DST: variants seen among roughly 807,000 people sequenced by gnomAD.
The protein encoded by DST is dystonin.
Under a neutral mutation model 875.2 loss-of-function variants are expected in DST, and 253 were observed. The observed-to-expected ratio is 0.29, with a 90% CI of 0.26 to 0.32. The LOEUF (loss-of-function observed/expected upper bound fraction) is 0.32. Among genes scored for constraint, DST ranks in the 10% least tolerant of loss-of-function variants. The pLI is 1.00. For synonymous variants in DST, 3,124 were observed against 3,197.1 expected, an observed-to-expected ratio of 0.98 and a Z score of 0.77; for missense variants, 8,287 against 9,111.6, an observed-to-expected ratio of 0.91 and a Z score of 3.68.
intron 79 of DST, 103 bp from the exon 80 acceptor site, chr6:56,501,338 A>T: frequency 7.6e-7 from 1 of 1,308,446 alleles, no homozygotes; most frequent in South Asian, 1.6e-5. Context: ...GTATAAGTCC[A>T]TAAACGTATC....
intron 36 of DST, 32 bp from the exon 37 acceptor site, chr6:56,614,516 A>G (rs2098593461): frequency 6.4e-7 from 1 of 1,554,960 alleles, no homozygotes; most frequent in African/African-American, 1.4e-5. Flanking sequence ...AAAAATATAC[A>G]CTGCATTAAA....
At chr6:56,536,999 T>TA in intron 61 of DST, 59 bp from the exon 62 acceptor site, 1 of 1,468,870 alleles carries the variant, frequency 6.8e-7, no homozygotes. Flanking sequence ...GCCAAATATA[T>TA]AATAAGCATT....
At chr6:56,594,237 G>T (rs1289746256) in intron 47 of DST, 44 bp from the exon 48 acceptor site, 3 of 1,473,884 alleles carry the variant, frequency 2.0e-6, no homozygotes, top group Non-Finnish European at 9.0e-7. Context: ...CAGTAACGGG[G>T]TAACACCTGC....
At chr6:56,762,366 T>C (rs745820819) in intron 4 of DST, among the ~76,000 whole-genome samples, 10 of 152,284 alleles carry the variant, frequency 6.6e-5, no homozygotes, top group South Asian at 2.1e-4. Context: ...TTAGAAATCA[T>C]CTCAGAATGG....
At position 56,605,960 on chromosome 6, in the gene DST, T is replaced by A; in HGVS notation, c.8668A>T (p.Thr2890Ser). 1 of 1,612,848 alleles carries A rather than the reference T, an allele frequency of 6.2e-7. No individual in the cohort carries two copies. Among genetic ancestry groups the A allele is most frequent in the Non-Finnish European group, 8.5e-7 (1 of 1,179,442 alleles). ...LASPSENNLV[T>S]EKSNLPEYTT... ...TATTCTGGAAGGTTGCTTTTTTCAG[T>A]AACTAAGTTATTTTCACTAGGTGAT... is the stretch of plus-strand genomic sequence containing the variant. Residue 2890 changes from threonine (T) to serine (S), a missense_variant, in exon 40 of 104, where the codon ACT (threonine) becomes TCT (serine). Physicochemically the swap from Thr to Ser is moderately conservative, Grantham distance 58. Coordinates refer to ENST00000680361, the MANE Select transcript of DST (RefSeq NM_001374736.1).
intron 60 of DST, 144 bp from the exon 61 acceptor site, chr6:56,553,799 G>A: frequency 1.4e-6 from 1 of 736,858 alleles, no homozygotes; most frequent in Non-Finnish European, 2.1e-6. Context: ...AACTACAAGT[G>A]AACTTAAGTT....
intron 3 of DST, among the ~76,000 whole-genome samples, chr6:56,880,029 T>G (rs555420910): frequency 6.6e-6 from 1 of 152,340 alleles, no homozygotes; most frequent in South Asian, 2.1e-4. Flanking sequence ...CCACAATGAA[T>G]AGGTACCTTT....
chr6:56,843,492 G>A (rs2099803048), intron 4 of DST: 2 of 987,940 alleles, frequency 2.0e-6, no homozygotes, highest in African/African-American at 1.7e-5. Context: ...GGCGAGGGCG[G>A]GCGGGGGCCG....
rs2152489554 is a variant in DST, at chr6:56,517,076, T to TAAGC, written c.18357+121_18357+122insGCTT. On this transcript the variant is annotated intron_variant, in intron 71 of 103. Transcript: ENST00000680361. The stretch of plus-strand genomic sequence containing the variant: ...AACTTGAAAAATGCCTTATTTAAAC[T>TAAGC]AATTATTTTTGCTGCTTAAATGGCA... 4 of 741,314 alleles carry TAAGC rather than the reference T, an allele frequency of 5.4e-6. No homozygotes were observed. In the South Asian group the frequency reaches 6.3e-5, roughly 12 times the overall value. The allele number at this position is 741,314 out of a possible 1,614,324, so 45.9% of individuals were successfully genotyped here.
At chr6:56,513,118 C>A (rs1199596847) in intron 72 of DST, among the ~76,000 whole-genome samples, 2 of 152,142 alleles carry the variant, frequency 1.3e-5, no homozygotes, top group African/African-American at 2.4e-5. Context: ...AAGAGACTCT[C>A]AAATAAAATG....
At chr6:56,501,271 T>G in intron 79 of DST, 36 bp from the exon 80 acceptor site, 1 of 1,548,286 alleles carries the variant, frequency 6.5e-7, no homozygotes, top group Non-Finnish European at 8.7e-7. Flanking sequence ...CATTTATAAA[T>G]TTGATATTAT....
In DST at chr6:56,604,270, T is replaced by C. The variant is rs755825826; in HGVS notation, c.10358A>G (p.Gln3453Arg). 6.2e-7 allele frequency: 1 copy of C among 1,611,990 alleles called. No individual in the cohort carries two copies. The highest frequency in any genetic ancestry group is 1.7e-5 in the Admixed American group (1 of 59,728). ...TACTCCTGTAATTTTTTGGCTATGTTGATCTTGCTTCAATATATTAAGGAG... is the reference window on the plus strand; with the variant it reads ...TACTCCTGTAATTTTTTGGCTATGTCGATCTTGCTTCAATATATTAAGGAG... ...ELLLNILKQD[Q>R]HSQKITGVFE... The change falls in exon 40 of 104, where the codon CAA (glutamine) becomes CGA (arginine). Residue 3453 changes from glutamine (Q) to arginine (R), a missense_variant. Gln to Arg is a conservative substitution (Grantham distance 43). Around this residue, in one of 10 missense-constraint regions of DST, gnomAD observed 3,138 missense variants for 3,116.6 expected, o/e 1.01. Coordinates refer to ENST00000680361, the MANE Select transcript of DST (RefSeq NM_001374736.1).
intron 4 of DST, among the ~76,000 whole-genome samples, chr6:56,834,712 A>G (rs1451983170): frequency 1.3e-5 from 2 of 152,224 alleles, no homozygotes; most frequent in Admixed American, 1.3e-4. Context: ...ACAATACCAA[A>G]TGCTGATAGG....
intron 4 of DST, chr6:56,843,428 G>A (rs2099802927): frequency 5.7e-6 from 6 of 1,056,462 alleles, no homozygotes; most frequent in Non-Finnish European, 6.8e-6. Flanking sequence ...AAATCTCAGC[G>A]AGCCCAGGGG....
intron 10 of DST, among the ~76,000 whole-genome samples, chr6:56,657,962 C>T (rs547778429): frequency 6.6e-6 from 1 of 152,064 alleles, no homozygotes; most frequent in African/African-American, 2.4e-5. Context: ...GACGGGGTTT[C>T]GCCATGTTGG....
chr6:56,551,134 A>C (rs532270616), intron 61 of DST, among the ~76,000 whole-genome samples: 7 of 152,210 alleles, frequency 4.6e-5, no homozygotes, highest in Non-Finnish European at 7.3e-5. Flanking sequence ...AAGAAAAAGA[A>C]GGTATTTTTC....
At chr6:56,477,259 T>C in intron 91 of DST, 86 bp downstream of exon 91, 1 of 1,430,036 alleles carries the variant, frequency 7.0e-7, no homozygotes, top group East Asian at 2.4e-5. Context: ...CCCATGGCCA[T>C]AAGTGCATCT....
chr6:56,692,326 C>T, intron 9 of DST: 1 of 848,056 alleles, frequency 1.2e-6, no homozygotes, highest in Non-Finnish European at 1.6e-6. Context: ...AATTAGATGT[C>T]AGTCTGATGT....
At chr6:56,914,474 G>C (rs949145176) in intron 2 of DST, among the ~76,000 whole-genome samples, 8 of 152,170 alleles carry the variant, frequency 5.3e-5, no homozygotes, top group Non-Finnish European at 5.9e-5. Context: ...AAGGGCTAGT[G>C]ATTGCTTCAA....
Sources: allele counts gnomAD v4.1 joint callset (sites outside exome capture counted in the v4.1 genomes callset), GRCh38; gene constraint gnomAD v4.1.1; regional missense constraint gnomAD v4.1.1; transcripts MANE v1.5; gene names NCBI Gene and HGNC (gene_info 2026-07-23, HGNC 2026-07-21).